The following PPARD variants were observed in gnomAD, a reference collection of about 807,000 sequenced individuals.
PPARD encodes the protein peroxisome proliferator-activated receptor delta.
PPARD carries 6 observed loss-of-function variants against 39.5 expected under a neutral mutation model. The observed-to-expected ratio is 0.15, with a 90% CI of 0.08 to 0.30. The LOEUF (loss-of-function observed/expected upper bound fraction) is 0.30. Among genes scored for constraint, PPARD ranks in the 10% least tolerant of loss-of-function variants. The pLI is 1.00. For synonymous variants in PPARD, 210 were observed against 231.3 expected (o/e 0.91, Z 0.83); for missense variants, 397 against 596.8 (o/e 0.67, Z 3.49).
intron 3 of PPARD, among the ~76,000 whole-genome samples, chr6:35,413,986 C>T (rs1462235365): frequency 6.6e-6 from 1 of 152,094 alleles, no homozygotes; most frequent in African/African-American, 2.4e-5. Flanking sequence ...GCCAAGTGTG[C>T]ATTTCTTTTA....
At chr6:35,393,651 G>A (rs1459393296) in intron 2 of PPARD, among the ~76,000 whole-genome samples, 1 of 152,138 alleles carries the variant, frequency 6.6e-6, no homozygotes, top group African/African-American at 2.4e-5. Context: ...GTGAGAATTG[G>A]GAGGTGACAG....
Position 35,420,253 on chromosome 6 carries a change from A to G in PPARD, c.257A>G (p.Tyr86Cys). Residue 86 changes from tyrosine (Y) to cysteine (C), a missense_variant, in exon 4 of 8, where the codon TAC (tyrosine) becomes TGC (cysteine). Physicochemically the swap from Tyr to Cys is radical, Grantham distance 194 (BLOSUM62 -2). Coordinates refer to ENST00000360694, the MANE Select transcript of PPARD (RefSeq NM_006238.5). ...GGGGACAAGGCATCGGGCTTCCACT[A>G]CGGTGTTCATGCATGTGAGGGGTGC... ...VCGDKASGFH[Y>C]GVHACEGCKG... 1 of 1,596,754 alleles carries G rather than the reference A, an allele frequency of 6.3e-7. No individual in the cohort carries two copies. Among genetic ancestry groups the G allele is most frequent in the Non-Finnish European group, 8.5e-7 (1 of 1,171,132 alleles).
rs1766609232 is a variant in PPARD at position 35,426,877 on chromosome 6, G to A, written c.*798G>A. The A allele has an allele frequency of 1.3e-5, 2 of 152,612 alleles. No individual in the cohort carries two copies. Among genetic ancestry groups the A allele is most frequent in the South Asian group, 2.1e-4 (1 of 4,834 alleles). The allele number at this position is 152,612 out of a possible 1,614,324, so 9.5% of individuals were successfully genotyped here. A position where few individuals can be genotyped will look rare whatever the true frequency, so the allele number is the denominator to read the frequency against. On this transcript the variant is annotated 3_prime_UTR_variant, in exon 8 of 8. Coordinates refer to ENST00000360694, the MANE Select transcript of PPARD (RefSeq NM_006238.5). Reference sequence around the variant, plus strand: ...GGTTTGCCAGGCCAATGTTGCTGATGGCCCCCTGCACTGGCCGCTGGACGG... The same window carrying A: ...GGTTTGCCAGGCCAATGTTGCTGATAGCCCCCTGCACTGGCCGCTGGACGG...
At chr6:35,418,317 G>A (rs1765909770) in intron 3 of PPARD, among the ~76,000 whole-genome samples, 1 of 128,300 alleles carries the variant, frequency 7.8e-6, no homozygotes, top group Non-Finnish European at 1.6e-5. Flanking sequence ...ATCCGGTGCT[G>A]TGAGTTTTAT....
intron 3 of PPARD, among the ~76,000 whole-genome samples, chr6:35,415,645 C>T (rs1200658564): frequency 2.0e-5 from 3 of 152,064 alleles, no homozygotes; most frequent in East Asian, 1.9e-4. Flanking sequence ...TATTGATTAG[C>T]GGTACTGAAC....
At chr6:35,421,627 A>G (rs1416037282) in intron 4 of PPARD, among the ~76,000 whole-genome samples, 193 bp from the exon 5 acceptor site, 3 of 152,288 alleles carry the variant, frequency 2.0e-5, no homozygotes, top group Non-Finnish European at 2.9e-5. Flanking sequence ...GGCGTGAGCC[A>G]CTGTGCCTGA....
chr6:35,423,366 TA>T (rs566697782), intron 5 of PPARD, among the ~76,000 whole-genome samples: 188 of 142,270 alleles, frequency 1.3e-3, no homozygotes, highest in African/African-American at 3.7e-3. Context: ...CTGTCTCTAC[TA>T]AAAAAAAAAT....
At chr6:35,386,272 C>T (rs1180849482) in intron 2 of PPARD, among the ~76,000 whole-genome samples, 2 of 150,686 alleles carry the variant, frequency 1.3e-5, no homozygotes, top group Non-Finnish European at 2.9e-5. Context: ...TTCTTTGCAT[C>T]GTGCTCTCTT....
intron 1 of PPARD, among the ~76,000 whole-genome samples, chr6:35,344,219 A>G (rs1183351217): frequency 6.6e-6 from 1 of 151,926 alleles, no homozygotes; most frequent in Non-Finnish European, 1.5e-5. Flanking sequence ...AGGGAATCCA[A>G]ATTGTCCCTC....
chr6:35,422,856 G>A (rs1766270152), intron 5 of PPARD, among the ~76,000 whole-genome samples: 1 of 151,946 alleles, frequency 6.6e-6, no homozygotes, highest in African/African-American at 2.4e-5. Flanking sequence ...TACTATGTGA[G>A]GATTCTTATT....
At chr6:35,344,069 G>A (rs1415836946) in intron 1 of PPARD, among the ~76,000 whole-genome samples, 2 of 152,062 alleles carry the variant, frequency 1.3e-5, no homozygotes, top group Non-Finnish European at 2.9e-5. Context: ...TTTATTATTG[G>A]TGGCTTGAAA....
Position 35,365,130 on chromosome 6 carries a change from C to CTTTTTTTTTTTTTTTTTTTTTTTTT in PPARD, c.-102+18000_-102+18001insTTTTTTTTTTTTTTTTTTTTTTTTT, listed in dbSNP as rs551946022. 1.7e-5 allele frequency among the ~76,000 whole-genome samples: 2 copies of CTTTTTTTTTTTTTTTTTTTTTTTTT among 121,088 alleles called. 1 individual carries two copies. The highest frequency in any genetic ancestry group is 6.9e-5 in the African/African-American group (2 of 29,058). The allele number at this position is 121,088 out of a possible 152,430, so 79.4% of individuals were successfully genotyped here. A position where few individuals can be genotyped will look rare whatever the true frequency, so the allele number is the denominator to read the frequency against. ...ACCAGACATGTAGAGCTTCCTTATTCTTTTTTTTTTTTTTTTTTTTGAGAT... is the reference window on the plus strand; with the variant it reads ...ACCAGACATGTAGAGCTTCCTTATTCTTTTTTTTTTTTTTTTTTTTTTTTTTTTTTTTTTTTTTTTTTTTTGAGAT... On this transcript the variant is annotated intron_variant, in intron 2 of 7. Transcript: ENST00000360694.
At position 35,384,868 on chromosome 6, in the gene PPARD, C is replaced by T. The variant is rs1195961451; in HGVS notation, c.-101-26119C>T. Among the ~76,000 whole-genome samples the T allele has an allele frequency of 4.8e-3, 531 of 110,200 alleles. 4 individuals are homozygous for T. Among genetic ancestry groups the T allele is most frequent in the South Asian group, 0.01 (33 of 3,260 alleles). 72.3% of individuals were successfully genotyped at this position (110,200 alleles called of 152,430 possible). On this transcript the variant is annotated intron_variant, in intron 2 of 7. Coordinates refer to ENST00000360694, the MANE Select transcript of PPARD (RefSeq NM_006238.5). ...CAGCCCCCCGCCTGGCCAGCCGCCC[C>T]GTCTGGGAGGTGAGGGGCGCCTCTG... is the stretch of plus-strand genomic sequence containing the variant.
At chr6:35,374,231 A>G (rs940815095) in intron 2 of PPARD, among the ~76,000 whole-genome samples, 4 of 149,444 alleles carry the variant, frequency 2.7e-5, no homozygotes, top group Admixed American at 2.0e-4. Context: ...ATCACCCAGC[A>G]GGAGCAGAAC....
Position 35,420,110 on chromosome 6 carries a change from C to G in PPARD, c.131-17C>G, listed in dbSNP as rs1294230968. The G allele has an allele frequency of 6.2e-7, 1 of 1,608,868 alleles. No homozygotes were observed. The highest frequency in any genetic ancestry group is 1.3e-5 in the African/African-American group (1 of 74,708). On this transcript the variant is annotated splice_polypyrimidine_tract_variant and intron_variant, in intron 3 of 7. Coordinates refer to ENST00000360694, the MANE Select transcript of PPARD (RefSeq NM_006238.5). ...CCTGGCAGCATGTGGAGCTGCCCCT[C>G]CATCGTGTGTCCGCAGACCTCTCCC...
At chr6:35,349,829 C>A (rs1485414068) in intron 2 of PPARD, among the ~76,000 whole-genome samples, 1 of 152,058 alleles carries the variant, frequency 6.6e-6, no homozygotes, top group African/African-American at 2.4e-5. Flanking sequence ...GTAACCTCCA[C>A]CTCCTGGGTT....
intron 2 of PPARD, among the ~76,000 whole-genome samples, chr6:35,352,825 C>T (rs985891867): frequency 5.9e-5 from 9 of 152,260 alleles, no homozygotes; most frequent in Middle Eastern, 6.8e-3. Context: ...CAGAAGCATT[C>T]CCAAAATGAA....
At chr6:35,417,766 G>A (rs1249907884) in intron 3 of PPARD, among the ~76,000 whole-genome samples, 1 of 152,138 alleles carries the variant, frequency 6.6e-6, no homozygotes, top group Non-Finnish European at 1.5e-5. Context: ...TCTTGACCTC[G>A]TGATCCGCCC....
At chr6:35,376,571 C>A (rs911806796) in intron 2 of PPARD, among the ~76,000 whole-genome samples, 1 of 152,072 alleles carries the variant, frequency 6.6e-6, no homozygotes, top group African/African-American at 2.4e-5. Context: ...TGAAAGTATA[C>A]CTCAGAGCAG....
Sources: allele counts gnomAD v4.1 joint callset (sites outside exome capture counted in the v4.1 genomes callset), GRCh38; gene constraint gnomAD v4.1.1; transcripts MANE v1.5; gene names NCBI Gene and HGNC (gene_info 2026-07-23, HGNC 2026-07-21).